Variants in ADGRG4 observed in about 807,000 individuals in gnomAD.
ADGRG4 encodes G protein-coupled receptor 112.
A neutral mutation model predicts 126.2 loss-of-function variants in ADGRG4; 122 were observed. The ratio of observed to expected loss-of-function variants is 0.97; its 90% CI spans 0.83 to 1.12. The LOEUF is 1.12. ADGRG4 is among the 50% of genes most tolerant of loss of function. The probability of loss-of-function intolerance (pLI) is 0.00; values close to 1 mark genes in which losing one functional copy is unlikely to be tolerated. For synonymous variants in ADGRG4, 943 were observed against 838.7 expected (o/e 1.12, Z -2.15); for missense variants, 2,481 against 2,251.8 (o/e 1.10, Z -2.06).
intron 4 of ADGRG4, among the ~76,000 whole-genome samples, chrX:136,322,401 G>A (rs966527269): frequency 9.9e-5 from 11 of 111,673 alleles, no homozygotes; most frequent in Admixed American, 2.9e-4. Context: ...GATTATATGA[G>A]TGAGGATTAT....
intron 15 of ADGRG4, among the ~76,000 whole-genome samples, chrX:136,381,838 T>C: frequency 9.0e-6 from 1 of 111,394 alleles, no homozygotes; most frequent in Admixed American, 9.6e-5. Flanking sequence ...TGGAGTCTGA[T>C]GTTCTAAGGC....
intron 13 of ADGRG4, 146 bp downstream of exon 13, chrX:136,363,741 T>G (rs948507773): frequency 9.4e-5 from 43 of 457,697 alleles, no homozygotes; most frequent in Non-Finnish European, 1.5e-4. Flanking sequence ...GTAATTAATG[T>G]TGGTGGAGGT....
Position 136,348,573 on chromosome X carries a change from A to G in ADGRG4, c.4867A>G (p.Lys1623Glu). 1 of 1,210,530 alleles carries G rather than the reference A, an allele frequency of 8.3e-7. No homozygotes were observed. The change falls in exon 6 of 26, where the codon AAA (lysine) becomes GAA (glutamate). Residue 1623 changes from lysine (K) to glutamate (E), a missense_variant. Lys to Glu is a moderately conservative substitution (Grantham distance 56, BLOSUM62 1). Transcript: ENST00000394143. ...ATATGCTGGGGCTACTTCAAAAAAC[A>G]AAATGGTTTCCTCTGCTTTCACTAC... ...VIYAGATSKN[K>E]MVSSAFTTEM...
chrX:136,408,919 CTCTG>C (rs756089556), intron 23 of ADGRG4, among the ~76,000 whole-genome samples: 2 of 111,134 alleles, frequency 1.8e-5, no homozygotes, highest in Admixed American at 9.6e-5. Context: ...GCCAAGCTGT[CTCTG>C]TCTGTCAGAT....
At position 136,351,547 on chromosome X, in the gene ADGRG4, A is replaced by G; in HGVS notation, c.6822+6A>G. 1 of 970,397 alleles carries G rather than the reference A, an allele frequency of 1.0e-6. No individual in the cohort carries two copies. The highest frequency in any genetic ancestry group is 1.4e-6 in the Non-Finnish European group (1 of 699,285). 80.0% of individuals were successfully genotyped at this position (970,397 alleles called of 1,213,427 possible). On this transcript the variant is annotated splice_donor_region_variant and intron_variant, in intron 7 of 25. Coordinates refer to ENST00000394143, the MANE Select transcript of ADGRG4 (RefSeq NM_153834.4). ...ATGAATTTACGGAAAATTCGGTAAA[A>G]TAATCTTTTGCATATTTATGGCATA...
chrX:136,337,763 T>C (rs1221872431), intron 5 of ADGRG4, among the ~76,000 whole-genome samples: 1 of 112,630 alleles, frequency 8.9e-6, no homozygotes, highest in Non-Finnish European at 1.9e-5. Context: ...TCAATTATGA[T>C]GTGCCTTGCC....
intron 15 of ADGRG4, 90 bp downstream of exon 15, chrX:136,373,154 C>T: frequency 4.8e-6 from 4 of 841,200 alleles, no homozygotes; most frequent in Admixed American, 3.2e-5. Context: ...GAGGGCACTC[C>T]GTTATGGTTT....
In ADGRG4 at chrX:136,348,558, G is replaced by A; in HGVS notation, c.4852G>A (p.Ala1618Thr). 1 of 1,209,086 alleles carries A rather than the reference G, an allele frequency of 8.3e-7. No individual in the cohort carries two copies. The highest frequency in any genetic ancestry group is 3.0e-5 in the East Asian group (1 of 33,772). The change falls in exon 6 of 26, where the codon GCT becomes ACT. Residue 1618 changes from alanine (A) to threonine (T), a missense_variant. By Grantham distance (58) the Ala-to-Thr change is moderately conservative (BLOSUM62 0). Transcript: ENST00000394143. ...TGTCACACCTGTGATATATGCTGGG[G>A]CTACTTCAAAAAACAAAATGGTTTC... is the stretch of plus-strand genomic sequence containing the variant. ...LDVTPVIYAG[A>T]TSKNKMVSSA...
rs1283597781 is a variant in ADGRG4, at chrX:136,346,007, T to C, written c.2301T>C (p.Ser767=). The C allele has an allele frequency of 8.3e-7, 1 of 1,207,250 alleles. No homozygotes were observed. ...TTLLLKTIPM[S]TKPANELPLT... is the part of the protein sequence containing the mutation. ...TACTACTAAAAACAATACCTATGTC[T>C]ACAAAACCTGCAAATGAACTTCCTT... Residue 767 remains serine, a synonymous_variant, in exon 6 of 26, where the codon TCT becomes TCC. Coordinates refer to ENST00000394143, the MANE Select transcript of ADGRG4 (RefSeq NM_153834.4).
At chrX:136,356,499 A>G (rs1236667193) in intron 9 of ADGRG4, among the ~76,000 whole-genome samples, 3 of 112,089 alleles carry the variant, frequency 2.7e-5, no homozygotes, top group Non-Finnish European at 5.6e-5. Context: ...ACTGGCATTC[A>G]CACAATAAAT....
In ADGRG4 at chrX:136,350,439, G is replaced by A; in HGVS notation, c.6727+6G>A. ...TACTGCCACCAAGTCCACAGGTACT[G>A]CTCCATAATGCATGTGGTGTAGCCC... On this transcript the variant is annotated splice_donor_region_variant and intron_variant, in intron 6 of 25. Transcript: ENST00000394143. The A allele has an allele frequency of 8.4e-7, 1 of 1,192,282 alleles. No homozygotes were observed.
intron 5 of ADGRG4, among the ~76,000 whole-genome samples, chrX:136,344,148 T>C (rs1239980542): frequency 9.0e-6 from 1 of 111,728 alleles, no homozygotes; most frequent in Non-Finnish European, 1.9e-5. Flanking sequence ...GGAATGTTTA[T>C]ATATTTTATG....
intron 23 of ADGRG4, among the ~76,000 whole-genome samples, chrX:136,408,261 G>A (rs954417743): frequency 8.9e-6 from 1 of 111,826 alleles, no homozygotes; most frequent in African/African-American, 3.3e-5. Flanking sequence ...GTGCAGGTTT[G>A]TTAGCTGGGT....
chrX:136,339,704 C>T (rs2074968429), intron 5 of ADGRG4, among the ~76,000 whole-genome samples: 2 of 112,375 alleles, frequency 1.8e-5, no homozygotes, highest in Admixed American at 9.4e-5. Context: ...TTGTTTTATT[C>T]TTAGCACCTT....
At chrX:136,369,396 A>T (rs2075179199) in intron 13 of ADGRG4, among the ~76,000 whole-genome samples, 1 of 112,339 alleles carries the variant, frequency 8.9e-6, no homozygotes, top group Non-Finnish European at 1.9e-5. Flanking sequence ...TCCCTTTATT[A>T]CTTTTGCTTG....
chrX:136,351,079 A>C (rs912914571), intron 6 of ADGRG4, among the ~76,000 whole-genome samples: 1 of 112,071 alleles, frequency 8.9e-6, no homozygotes, highest in African/African-American at 3.2e-5. Context: ...AGGCACAGGA[A>C]GAAAAAAACA....
chrX:136,316,823 C>T (rs990746620), intron 4 of ADGRG4, among the ~76,000 whole-genome samples: 2 of 111,393 alleles, frequency 1.8e-5, no homozygotes, highest in Admixed American at 1.9e-4. Context: ...CTGACAGGGA[C>T]AGAGAATTCT....
chrX:136,334,018 G>A (rs1228782644), intron 5 of ADGRG4, among the ~76,000 whole-genome samples: 1 of 110,706 alleles, frequency 9.0e-6, no homozygotes, highest in Non-Finnish European at 1.9e-5. Context: ...TAAGTCTGTG[G>A]TCCATTTTGA....
intron 16 of ADGRG4, among the ~76,000 whole-genome samples, chrX:136,389,399 A>C (rs1255694393): frequency 2.7e-5 from 3 of 112,459 alleles, no homozygotes; most frequent in Non-Finnish European, 5.6e-5. Context: ...TCGTAGAATA[A>C]GAGATAAACT....
Sources: allele counts gnomAD v4.1 joint callset (sites outside exome capture counted in the v4.1 genomes callset), GRCh38; gene constraint gnomAD v4.1.1; transcripts MANE v1.5; gene names NCBI Gene and HGNC (gene_info 2026-07-23, HGNC 2026-07-21).